CCDC175: variants seen among roughly 807,000 people sequenced by gnomAD.
CCDC175 encodes coiled-coil domain containing 175.
In CCDC175, 100 loss-of-function variants were observed where a neutral mutation model predicts 114.6. The ratio of observed to expected loss-of-function variants is 0.87; its 90% CI spans 0.74 to 1.03. The LOEUF is 1.03. Ranked by LOEUF, CCDC175 falls within the 50% of genes least tolerant of loss-of-function variation. The pLI, the probability that CCDC175 is intolerant of heterozygous loss-of-function variation, is 0.00. For synonymous variants in CCDC175, 306 were observed against 308.7 expected (o/e 0.99, Z 0.09); for missense variants, 880 against 917.8 (o/e 0.96, Z 0.53).
intron 14 of CCDC175, among the ~76,000 whole-genome samples, chr14:59,528,222 G>C (rs915675194): frequency 2.0e-5 from 3 of 151,986 alleles, no homozygotes; most frequent in Non-Finnish European, 2.9e-5. Context: ...AAATGATTCT[G>C]ATTTCTAATA....
intron 8 of CCDC175, among the ~76,000 whole-genome samples, chr14:59,547,033 A>C (rs1895154427): frequency 6.6e-6 from 1 of 152,112 alleles, no homozygotes; most frequent in Admixed American, 6.6e-5. Context: ...TGAGCCCAGG[A>C]GTTAGAGACC....
chr14:59,525,772 C>A (rs1893702516), intron 15 of CCDC175, among the ~76,000 whole-genome samples: 1 of 152,080 alleles, frequency 6.6e-6, no homozygotes, highest in African/African-American at 2.4e-5. Context: ...ATAACAACAA[C>A]AAATAATACA....
intron 17 of CCDC175, among the ~76,000 whole-genome samples, chr14:59,517,523 A>G (rs1293809355): frequency 6.6e-6 from 1 of 152,210 alleles, no homozygotes; most frequent in East Asian, 1.9e-4. Context: ...TTATACACCA[A>G]TAACAGACAA....
chr14:59,548,729 T>C (rs1469429471), intron 8 of CCDC175, among the ~76,000 whole-genome samples: 2 of 152,226 alleles, frequency 1.3e-5, no homozygotes, highest in Non-Finnish European at 2.9e-5. Flanking sequence ...GGTTTCTGTC[T>C]GTTGTTAGGT....
rs1892993735 is a variant in CCDC175, at chr14:59,515,075, A to G, written c.2099-3272T>C. On this transcript the variant is annotated intron_variant, in intron 17 of 19. Coordinates refer to ENST00000537690, the MANE Select transcript of CCDC175 (RefSeq NM_001164399.2). ...AATATCCAGCCAAACTAAGCTTCAT[A>G]AATGAAGGAGAAATAAAATCCTTTA... 3.9e-5 allele frequency among the ~76,000 whole-genome samples: 6 copies of G among 152,224 alleles called. No homozygotes were observed. The South Asian group carries it at 1.2e-3, about 32-fold the overall frequency.
chr14:59,570,768 G>T (rs1389100493), intron 3 of CCDC175, among the ~76,000 whole-genome samples: 2 of 152,108 alleles, frequency 1.3e-5, no homozygotes, highest in Non-Finnish European at 2.9e-5. Context: ...TTGAGATGAA[G>T]TCTCGCTCTG....
At chr14:59,540,249 G>T (rs1359167737) in intron 11 of CCDC175, among the ~76,000 whole-genome samples, 1 of 152,060 alleles carries the variant, frequency 6.6e-6, no homozygotes, top group Non-Finnish European at 1.5e-5. Flanking sequence ...ATAGGGATGG[G>T]AGCAAAGAGA....
chr14:59,515,226 A>C (rs1893003553), intron 17 of CCDC175, among the ~76,000 whole-genome samples: 1 of 152,234 alleles, frequency 6.6e-6, no homozygotes, highest in Non-Finnish European at 1.5e-5. Flanking sequence ...CAAATTGTAA[A>C]GACCATTGAG....
intron 11 of CCDC175, 150 bp downstream of exon 11, chr14:59,540,525 C>A: frequency 1.1e-6 from 1 of 885,432 alleles, no homozygotes; most frequent in Non-Finnish European, 1.7e-6. Flanking sequence ...ACCAATACAT[C>A]TAGATCCGAG....
At chr14:59,568,430 T>C in intron 3 of CCDC175, 50 bp from the exon 4 acceptor site, 4 of 1,378,812 alleles carry the variant, frequency 2.9e-6, no homozygotes, top group Non-Finnish European at 3.8e-6. Context: ...AAAGCACAAC[T>C]GTAGATACTG....
At chr14:59,533,862 A>G (rs1334411249) in intron 13 of CCDC175, among the ~76,000 whole-genome samples, 3 of 151,804 alleles carry the variant, frequency 2.0e-5, no homozygotes, top group Non-Finnish European at 2.9e-5. Context: ...GGTGGCATGC[A>G]CCTGTAGTCC....
Position 59,505,327 on chromosome 14 carries a change from A to AAAAAT in CCDC175, c.2306-17_2306-13dup, listed in dbSNP as rs1892278465. The AAAAAT allele has an allele frequency of 7.1e-7, 1 of 1,412,268 alleles. No homozygotes were observed. Among genetic ancestry groups the AAAAAT allele is most frequent in the African/African-American group, 1.4e-5 (1 of 69,472 alleles). The allele number at this position is 1,412,268 out of a possible 1,614,324, so 87.5% of individuals were successfully genotyped here. A position where few individuals can be genotyped will look rare whatever the true frequency, so the allele number is the denominator to read the frequency against. On this transcript the variant is annotated splice_polypyrimidine_tract_variant and intron_variant, in intron 19 of 19. Coordinates refer to ENST00000537690, the MANE Select transcript of CCDC175 (RefSeq NM_001164399.2). Reference sequence around the variant, plus strand: ...GTGTTTCTTCTTCTCTGTAGGAATAAAAAATAAATATAAAAATTTTATTTG... The same window carrying AAAAAT: ...GTGTTTCTTCTTCTCTGTAGGAATAAAAAATAAAATAAATATAAAAATTTTATTTG...
chr14:59,540,976 A>G (rs549713456), intron 10 of CCDC175, among the ~76,000 whole-genome samples: 1 of 152,282 alleles, frequency 6.6e-6, no homozygotes, highest in South Asian at 2.1e-4. Context: ...GATAGAGAAG[A>G]GATTTCTGGG....
chr14:59,519,169 C>A (rs114595024), intron 17 of CCDC175, among the ~76,000 whole-genome samples: 1 of 151,628 alleles, frequency 6.6e-6, no homozygotes, highest in Non-Finnish European at 1.5e-5. Context: ...GGCCTGTTGT[C>A]GGTGGGTTAT....
chr14:59,514,089 A>C (rs1436720626), intron 17 of CCDC175, among the ~76,000 whole-genome samples: 2 of 152,208 alleles, frequency 1.3e-5, no homozygotes, highest in East Asian at 3.9e-4. Flanking sequence ...ACTCCAACAG[A>C]CCTGCAGCTG....
chr14:59,547,585 A>G (rs1445259798), intron 8 of CCDC175, among the ~76,000 whole-genome samples: 1 of 152,216 alleles, frequency 6.6e-6, no homozygotes, highest in East Asian at 1.9e-4. Flanking sequence ...GTATGACCAC[A>G]ATGTAGTGAA....
intron 7 of CCDC175, among the ~76,000 whole-genome samples, chr14:59,554,716 T>C (rs1302524006): frequency 6.6e-6 from 1 of 152,010 alleles, no homozygotes; most frequent in African/African-American, 2.4e-5. Flanking sequence ...GATAGACTGC[T>C]AGCAAGACTA....
intron 16 of CCDC175, 149 bp downstream of exon 16, chr14:59,525,133 T>C: frequency 1.9e-6 from 1 of 522,076 alleles, no homozygotes; most frequent in Non-Finnish European, 3.1e-6. Context: ...CATGGGGCTG[T>C]ACACTTGCAA....
Position 59,554,063 on chromosome 14 carries a change from G to C in CCDC175, c.954-2627C>G, listed in dbSNP as rs146317175. Among the ~76,000 whole-genome samples the C allele has an allele frequency of 4.0e-3, 605 of 152,324 alleles. 2 individuals are homozygous for C. Among genetic ancestry groups the C allele is most frequent in the African/African-American group, 0.014 (566 of 41,568 alleles). The stretch of plus-strand genomic sequence containing the variant: ...CAACATTAGACAGATCAATGAGACA[G>C]AAACTTAACAAGGATATCCAGGAAT... On this transcript the variant is annotated intron_variant, in intron 7 of 19. Coordinates refer to ENST00000537690, the MANE Select transcript of CCDC175 (RefSeq NM_001164399.2).
Sources: gnomAD v4.1 joint callset for allele counts (sites outside exome capture counted in the v4.1 genomes callset) on GRCh38, gnomAD v4.1.1 for gene constraint, MANE v1.5 for transcripts, NCBI Gene and HGNC (gene_info 2026-07-23, HGNC 2026-07-21) for gene names.